Variants in KIF18A observed in about 807,000 individuals in gnomAD.
The protein encoded by KIF18A is kinesin-like protein KIF18A.
Under a neutral mutation model 103.3 loss-of-function variants are expected in KIF18A, and 67 were observed. The observed-to-expected ratio is 0.65, with a 90% CI of 0.53 to 0.79. The LOEUF is 0.79. KIF18A is among the 30% of genes least tolerant of loss of function. The pLI, the probability that KIF18A is intolerant of heterozygous loss-of-function variation, is 0.00. For synonymous variants in KIF18A, 367 were observed against 355.5 expected, an observed-to-expected ratio of 1.03 and a Z score of -0.36; for missense variants, 1,032 against 1,062.5, an observed-to-expected ratio of 0.97 and a Z score of 0.40.
At chr11:28,076,826 T>A (rs1851097512) in intron 10 of KIF18A, 181 bp downstream of exon 10, 1 of 362,060 alleles carries the variant, frequency 2.8e-6, no homozygotes, top group South Asian at 4.7e-5. Flanking sequence ...ACCAGCTAGC[T>A]GGGAGGCTGA....
At chr11:28,088,487 T>G in intron 6 of KIF18A, 37 bp downstream of exon 6, 1 of 1,515,144 alleles carries the variant, frequency 6.6e-7, no homozygotes, top group Non-Finnish European at 9.1e-7. Flanking sequence ...TATTTCAATA[T>G]TTCAAACTAT....
intron 13 of KIF18A, among the ~76,000 whole-genome samples, chr11:28,057,197 C>T (rs978261607): frequency 2.0e-5 from 3 of 151,992 alleles, no homozygotes; most frequent in Admixed American, 6.6e-5. Context: ...TTGGCCTCAT[C>T]GATAATCTGA....
In KIF18A at chr11:28,036,615, T is replaced by A; in HGVS notation, c.1998A>T (p.Arg666Ser). 1 of 1,610,192 alleles carries A rather than the reference T, an allele frequency of 6.2e-7. No individual in the cohort carries two copies. Among genetic ancestry groups the A allele is most frequent in the Non-Finnish European group, 8.5e-7 (1 of 1,177,698 alleles). The change falls in exon 14 of 17, where the codon AGA becomes AGT. Residue 666 changes from arginine (R) to serine (S), a missense_variant. Arg to Ser is a moderately radical substitution (Grantham distance 110). Coordinates refer to ENST00000263181, the MANE Select transcript of KIF18A (RefSeq NM_031217.4). ...TNLVKIPTEK[R>S]TRRKLMPSPL... Reference sequence around the variant, plus strand: ...GAGATGGCATTAGTTTTCTCCGAGTTCTTTTTTCTGTAGGAATCTTAACCA... The same window carrying A: ...GAGATGGCATTAGTTTTCTCCGAGTACTTTTTTCTGTAGGAATCTTAACCA...
At chr11:28,104,412 A>G (rs1404781981) in intron 1 of KIF18A, among the ~76,000 whole-genome samples, 2 of 152,036 alleles carry the variant, frequency 1.3e-5, no homozygotes, top group Non-Finnish European at 2.9e-5. Flanking sequence ...TTCCTAAAAC[A>G]CTTCAGTCTT....
chr11:28,021,939 T>A (rs986991102), intron 16 of KIF18A, among the ~76,000 whole-genome samples: 7 of 152,218 alleles, frequency 4.6e-5, no homozygotes, highest in African/African-American at 1.4e-4. Context: ...GAGGGACATA[T>A]TCCCTTAACA....
intron 5 of KIF18A, among the ~76,000 whole-genome samples, chr11:28,089,103 A>T (rs970411751): frequency 6.6e-6 from 1 of 152,196 alleles, no homozygotes; most frequent in South Asian, 2.1e-4. Flanking sequence ...CCTTGTATGT[A>T]TCTAGAGATT....
At chr11:28,039,548 C>A (rs141808628) in intron 13 of KIF18A, among the ~76,000 whole-genome samples, 1 of 151,716 alleles carries the variant, frequency 6.6e-6, no homozygotes, top group Non-Finnish European at 1.5e-5. Flanking sequence ...AAATTCCCAT[C>A]ATGGTGGACC....
chr11:28,027,515 T>C (rs1399931818), intron 15 of KIF18A, among the ~76,000 whole-genome samples: 3 of 151,874 alleles, frequency 2.0e-5, no homozygotes, highest in Admixed American at 2.0e-4. Flanking sequence ...ATTCTTTCTC[T>C]CACTCCCTTC....
chr11:28,031,109 T>G (rs1182284569), intron 15 of KIF18A, among the ~76,000 whole-genome samples: 1 of 152,164 alleles, frequency 6.6e-6, no homozygotes, highest in Non-Finnish European at 1.5e-5. Flanking sequence ...TCAACCATTG[T>G]GGAAGACAGT....
chr11:28,075,119 C>T (rs1210599630), intron 10 of KIF18A, among the ~76,000 whole-genome samples: 1 of 152,164 alleles, frequency 6.6e-6, no homozygotes, highest in Non-Finnish European at 1.5e-5. Context: ...ATATCTCCTT[C>T]TGAAATGCCT....
chr11:28,096,257 A>G (rs997631917), intron 2 of KIF18A, among the ~76,000 whole-genome samples: 1 of 151,836 alleles, frequency 6.6e-6, no homozygotes, highest in Non-Finnish European at 1.5e-5. Flanking sequence ...CCAATACAAT[A>G]ATCAGTTAAG....
Position 28,097,873 on chromosome 11 carries a change from T to A in KIF18A, c.75A>T (p.Glu25Asp), listed in dbSNP as rs1323167290. Residue 25 changes from glutamate to aspartate, a missense_variant, in exon 2 of 17, where the codon GAA becomes GAT. By Grantham distance (45) the Glu-to-Asp change is conservative. Transcript: ENST00000263181. ...VVRVRPENTK[E>D]KAAGFHKVVH... is the part of the protein sequence containing the mutation. The stretch of plus-strand genomic sequence containing the variant: ...CCACTTTATGAAATCCAGCTGCTTT[T>A]TCTTTAGTGTTTTCCGGACGTACAC... 2.0e-5 allele frequency: 32 copies of A among 1,611,134 alleles called. No homozygotes were observed. Among genetic ancestry groups the A allele is most frequent in the Non-Finnish European group, 2.7e-5 (32 of 1,179,172 alleles).
chr11:28,026,197 C>A (rs1850316954), intron 15 of KIF18A, among the ~76,000 whole-genome samples: 1 of 151,850 alleles, frequency 6.6e-6, no homozygotes, highest in Admixed American at 6.6e-5. Flanking sequence ...ATTATTTAAA[C>A]AAATCTGTTG....
At chr11:28,095,327 C>T (rs1851354708) in intron 2 of KIF18A, among the ~76,000 whole-genome samples, 2 of 152,314 alleles carry the variant, frequency 1.3e-5, no homozygotes, top group South Asian at 4.1e-4. Flanking sequence ...TGTCTTTGTT[C>T]TGAGGAGTCC....
rs146731110 is a variant in KIF18A, at chr11:28,028,032, T to C, written c.2505-4182A>G. On this transcript the variant is annotated intron_variant, in intron 15 of 16. Transcript: ENST00000263181. ...TGGGATTTATCCCAGGGATGCAAGA[T>C]GGTTCAACATATGCAAATTAACCAA... 4.4e-3 allele frequency among the ~76,000 whole-genome samples: 668 copies of C among 152,118 alleles called. 8 individuals carry two copies. The highest frequency in any genetic ancestry group is 0.014 in the African/African-American group (598 of 41,542).
chr11:28,044,394 T>C (rs2133505310), intron 13 of KIF18A, among the ~76,000 whole-genome samples: 1 of 152,260 alleles, frequency 6.6e-6, no homozygotes, highest in South Asian at 2.1e-4. Flanking sequence ...TGACTAGTTT[T>C]CTGGAGATAA....
intron 12 of KIF18A, among the ~76,000 whole-genome samples, chr11:28,060,806 A>C (rs1170327332): frequency 6.6e-6 from 1 of 152,214 alleles, no homozygotes; most frequent in East Asian, 1.9e-4. Flanking sequence ...TCCTGGCAGA[A>C]AGTGCCTATG....
intron 10 of KIF18A, among the ~76,000 whole-genome samples, chr11:28,072,330 A>G (rs1851029644): frequency 6.6e-6 from 1 of 152,172 alleles, no homozygotes; most frequent in East Asian, 1.9e-4. Context: ...ACAATCTTAC[A>G]GATTATTTTT....
At chr11:28,022,457 CG>C in intron 16 of KIF18A, among the ~76,000 whole-genome samples, 1 of 151,920 alleles carries the variant, frequency 6.6e-6, no homozygotes, top group Non-Finnish European at 1.5e-5. Flanking sequence ...TTGGTAGAGA[CG>C]GGGTTTCACC....
Sources: gnomAD v4.1 joint callset for allele counts (sites outside exome capture counted in the v4.1 genomes callset) on GRCh38, gnomAD v4.1.1 for gene constraint, MANE v1.5 for transcripts, NCBI Gene and HGNC (gene_info 2026-07-23, HGNC 2026-07-21) for gene names.